CSMD3: variants seen among roughly 807,000 people sequenced by gnomAD.
CSMD3 encodes the protein CUB and Sushi multiple domains 3, also known as CUB and sushi domain-containing protein 3.
Under a neutral mutation model 435.2 loss-of-function variants are expected in CSMD3, and 177 were observed. The ratio of observed to expected loss-of-function variants is 0.41; its 90% CI spans 0.36 to 0.46. CSMD3 has a LOEUF of 0.46. Among genes scored for constraint, CSMD3 ranks in the 20% least tolerant of loss-of-function variants. CSMD3 has a pLI of 0.34. For missense variants in CSMD3, 4,265 were observed against 4,504.6 expected (o/e 0.95, Z 1.52); for synonymous variants, 1,656 against 1,520.5 (o/e 1.09, Z -2.07).
intron 9 of CSMD3, among the ~76,000 whole-genome samples, chr8:112,943,090 C>A (rs2083500897): frequency 6.6e-6 from 1 of 151,486 alleles, no homozygotes; most frequent in Non-Finnish European, 1.5e-5. Context: ...TGATAATGAG[C>A]TTTATTTATA....
intron 13 of CSMD3, among the ~76,000 whole-genome samples, chr8:112,779,840 G>T (rs2078338676): frequency 6.6e-6 from 1 of 151,922 alleles, no homozygotes; most frequent in African/African-American, 2.4e-5. Flanking sequence ...ATCAAATGAA[G>T]AACTCTGATC....
At chr8:112,675,975 T>C (rs2075762204) in intron 16 of CSMD3, among the ~76,000 whole-genome samples, 1 of 152,080 alleles carries the variant, frequency 6.6e-6, no homozygotes, top group Non-Finnish European at 1.5e-5. Context: ...TCTATGGTTA[T>C]GACAGAAAGA....
intron 27 of CSMD3, among the ~76,000 whole-genome samples, chr8:112,548,977 T>C (rs1363937822): frequency 1.3e-5 from 2 of 152,088 alleles, no homozygotes; most frequent in African/African-American, 2.4e-5. Context: ...TTTTCACAGA[T>C]TATCTACAAT....
chr8:112,666,445 A>T, intron 16 of CSMD3, 30 bp from the exon 17 acceptor site: 1 of 1,601,292 alleles, frequency 6.2e-7, no homozygotes, highest in Admixed American at 1.7e-5. Flanking sequence ...AAGTAAGAAT[A>T]AAACATTCAA....
intron 4 of CSMD3, among the ~76,000 whole-genome samples, chr8:113,153,101 A>AG (rs1554791158): frequency 3.0e-5 from 3 of 99,994 alleles, no homozygotes; most frequent in African/African-American, 1.4e-4. Flanking sequence ...AGAAAGAAAG[A>AG]AAAGAAAGAA....
At chr8:112,731,779 A>C (rs2132016119) in intron 13 of CSMD3, among the ~76,000 whole-genome samples, 1 of 152,182 alleles carries the variant, frequency 6.6e-6, no homozygotes, top group East Asian at 1.9e-4. Flanking sequence ...CTCAATGAGT[A>C]TTTGTTCACT....
rs184426977 is a variant in CSMD3 at position 112,327,914 on chromosome 8, C to G, written c.7165+7415G>C. 4.9e-4 allele frequency among the ~76,000 whole-genome samples: 74 copies of G among 152,258 alleles called. 1 individual carries two copies. The highest frequency in any genetic ancestry group is 3.4e-3 in the Middle Eastern group (1 of 292). On this transcript the variant is annotated intron_variant, in intron 45 of 70. Coordinates refer to ENST00000297405, the MANE Select transcript of CSMD3 (RefSeq NM_198123.2). Reference sequence around the variant, plus strand: ...TTTTCTTTTCAATGAAACATCCAACCCAATTCCAGAAAATAATGCTGCATG... The same window carrying G: ...TTTTCTTTTCAATGAAACATCCAACGCAATTCCAGAAAATAATGCTGCATG...
At chr8:112,526,558 A>T (rs1824987897) in intron 27 of CSMD3, among the ~76,000 whole-genome samples, 1 of 152,072 alleles carries the variant, frequency 6.6e-6, no homozygotes, top group African/African-American at 2.4e-5. Flanking sequence ...AATTTTGTGT[A>T]TACAACAACC....
rs2131234973 is a variant in CSMD3, at chr8:112,380,413, C to G, written c.6075G>C (p.Leu2025=). The change falls in exon 38 of 71, where the codon CTG becomes CTC. Residue 2025 remains leucine, a synonymous_variant. Coordinates refer to ENST00000297405, the MANE Select transcript of CSMD3 (RefSeq NM_198123.2). Reference sequence around the variant, plus strand: ...TGATGTCTGATTGAAAATTTAGATACAGATTATTAGACGTACTATTCAAAA... The same window carrying G: ...TGATGTCTGATTGAAAATTTAGATAGAGATTATTAGACGTACTATTCAAAA... ...PHLLNSTSNN[L]YLNFQSDISV... The G allele has an allele frequency of 5.0e-6, 8 of 1,602,996 alleles. No homozygotes were observed. The highest frequency in any genetic ancestry group is 6.8e-6 in the Non-Finnish European group (8 of 1,170,388).
chr8:112,249,985 G>A (rs1815124131), intron 63 of CSMD3, among the ~76,000 whole-genome samples: 1 of 152,024 alleles, frequency 6.6e-6, no homozygotes, highest in African/African-American at 2.4e-5. Flanking sequence ...TGGAGCAATG[G>A]AAGGAATGGG....
rs545680499 is a variant in CSMD3 at position 113,385,577 on chromosome 8, T to C, written c.178+51100A>G. On this transcript the variant is annotated intron_variant, in intron 1 of 70. Coordinates refer to ENST00000297405, the MANE Select transcript of CSMD3 (RefSeq NM_198123.2). ...TCACATAATGGCTTTGACTAACATT[T>C]TTTGGCATTGACTCTTCTTGTGGGA... is the stretch of plus-strand genomic sequence containing the variant. Among the ~76,000 whole-genome samples, 7 of 152,166 alleles carry C rather than the reference T, an allele frequency of 4.6e-5. No individual in the cohort carries two copies. The South Asian group carries it at 1.5e-3, about 32-fold the overall frequency.
chr8:112,231,960 T>G (rs72672840), intron 68 of CSMD3, among the ~76,000 whole-genome samples: 26,724 of 152,142 alleles, frequency 0.18, 2,894 homozygotes, highest in Middle Eastern at 0.33. Context: ...CTGTACTTAG[T>G]AAATTCTATT....
chr8:112,748,503 G>T (rs568128360), intron 13 of CSMD3, among the ~76,000 whole-genome samples: 2 of 151,420 alleles, frequency 1.3e-5, no homozygotes, highest in Non-Finnish European at 2.9e-5. Flanking sequence ...CCACCCTCCC[G>T]CATCAAGTAG....
chr8:113,429,686 C>A (rs2094658989), intron 1 of CSMD3, among the ~76,000 whole-genome samples: 1 of 151,806 alleles, frequency 6.6e-6, no homozygotes, highest in Admixed American at 6.6e-5. Context: ...ATTAATTTTT[C>A]TGATTGACTA....
chr8:112,479,917 G>A (rs1478310760), intron 31 of CSMD3, among the ~76,000 whole-genome samples: 2 of 152,172 alleles, frequency 1.3e-5, no homozygotes, highest in African/African-American at 4.8e-5. Context: ...GTTGTGGGAA[G>A]TAGGCCACCA....
At chr8:112,308,965 C>T (rs903684039) in intron 50 of CSMD3, among the ~76,000 whole-genome samples, 1 of 151,892 alleles carries the variant, frequency 6.6e-6, no homozygotes, top group Non-Finnish European at 1.5e-5. Context: ...TTAGTAATGT[C>T]CAAATAGAGG....
chr8:113,079,216 C>A, intron 5 of CSMD3, among the ~76,000 whole-genome samples: 1 of 152,058 alleles, frequency 6.6e-6, no homozygotes. Flanking sequence ...TTTGGGATTT[C>A]TCAGAATAAA....
intron 35 of CSMD3, among the ~76,000 whole-genome samples, chr8:112,403,773 T>A (rs1263280541): frequency 6.6e-6 from 1 of 151,522 alleles, no homozygotes; most frequent in African/African-American, 2.4e-5. Context: ...TGGGGGGCGG[T>A]GGGGTGAGGG....
chr8:112,865,871 A>G (rs1458999), intron 10 of CSMD3, among the ~76,000 whole-genome samples: 114,026 of 152,140 alleles, frequency 0.75, 43,538 homozygotes, highest in East Asian at 0.93. Flanking sequence ...GAGTGAGCAA[A>G]TGATTAAAAT....
Sources: gnomAD v4.1 joint callset for allele counts (sites outside exome capture counted in the v4.1 genomes callset) on GRCh38, gnomAD v4.1.1 for gene constraint, MANE v1.5 for transcripts, NCBI Gene and HGNC (gene_info 2026-07-23, HGNC 2026-07-21) for gene names.